JAKMIP2: variants seen among roughly 807,000 people sequenced by gnomAD.
The protein encoded by JAKMIP2 is janus kinase and microtubule-interacting protein 2.
In JAKMIP2, 25 loss-of-function variants were observed where a neutral mutation model predicts 115.0. The observed-to-expected ratio is 0.22, with a 90% CI of 0.16 to 0.30. The LOEUF (loss-of-function observed/expected upper bound fraction) is 0.30, where lower values mean the gene tolerates loss of function less well. Ranked by LOEUF, JAKMIP2 falls within the 10% of genes least tolerant of loss-of-function variation. JAKMIP2 has a pLI of 1.00. For synonymous variants in JAKMIP2, 334 were observed against 343.6 expected, an observed-to-expected ratio of 0.97 and a Z score of 0.31; for missense variants, 642 against 957.6, an observed-to-expected ratio of 0.67 and a Z score of 4.35.
chr5:147,776,338 C>T (rs111936191), intron 1 of JAKMIP2, among the ~76,000 whole-genome samples: 3,687 of 152,108 alleles, frequency 0.024, 158 homozygotes, highest in African/African-American at 0.083. Context: ...TAAGTTCTCA[C>T]GAGAGCTGAT....
intron 1 of JAKMIP2, among the ~76,000 whole-genome samples, chr5:147,698,044 G>A (rs189805682): frequency 1.3e-5 from 2 of 152,154 alleles, no homozygotes; most frequent in African/African-American, 4.8e-5. Context: ...CAGCTGGGAG[G>A]GGGGCTGTAT....
chr5:147,640,844 T>C, intron 8 of JAKMIP2, 21 bp from the exon 9 acceptor site: 1 of 1,607,534 alleles, frequency 6.2e-7, no homozygotes, highest in East Asian at 2.2e-5. Flanking sequence ...GGAAAGTACC[T>C]ATTTACTGAC....
intron 1 of JAKMIP2, among the ~76,000 whole-genome samples, chr5:147,773,632 A>G (rs756582989): frequency 5.3e-5 from 8 of 152,176 alleles, no homozygotes; most frequent in Non-Finnish European, 8.8e-5. Flanking sequence ...CATAGTTAAA[A>G]GAGATTAAAC....
At position 147,782,442 on chromosome 5, in the gene JAKMIP2, T is replaced by G; in HGVS notation, c.-149+14A>C. On this transcript the variant is annotated intron_variant, in intron 1 of 21. Transcript: ENST00000616793. ...CTCTAAACCAAGAAGGGAGCCCTAC[T>G]GTTTCCTACTCACCATGCTGAGACC... 1 of 1,535,904 alleles carries G rather than the reference T, an allele frequency of 6.5e-7. No homozygotes were observed. Among genetic ancestry groups the G allele is most frequent in the Non-Finnish European group, 8.7e-7 (1 of 1,146,724 alleles).
At chr5:147,670,945 C>A (rs1343242115) in intron 2 of JAKMIP2, among the ~76,000 whole-genome samples, 3 of 152,148 alleles carry the variant, frequency 2.0e-5, no homozygotes, top group Non-Finnish European at 2.9e-5. Flanking sequence ...GTATGAATTA[C>A]TATGAAATAA....
Position 147,742,155 on chromosome 5 carries a change from A to ATATATATATATT in JAKMIP2, c.-149+40300_-149+40301insAATATATATATA. 1.7e-4 allele frequency among the ~76,000 whole-genome samples: 19 copies of ATATATATATATT among 108,908 alleles called. 2 individuals carry two copies. Among genetic ancestry groups the ATATATATATATT allele is most frequent in the African/African-American group, 6.8e-4 (18 of 26,452 alleles). The allele number at this position is 108,908 out of a possible 152,430, so 71.4% of individuals were successfully genotyped here. On this transcript the variant is annotated intron_variant, in intron 1 of 21. Coordinates refer to ENST00000616793, the MANE Select transcript of JAKMIP2 (RefSeq NM_001270941.2). ...TGTGGATCATTATATATATATATAT[A>ATATATATATATT]TTTTTTTTACTATTGTATTGTATCT...
chr5:147,750,244 A>G (rs2127019156), intron 1 of JAKMIP2, among the ~76,000 whole-genome samples: 1 of 152,274 alleles, frequency 6.6e-6, no homozygotes, highest in Non-Finnish European at 1.5e-5. Context: ...GTGCTCTGAA[A>G]GGGCCAAGCA....
chr5:147,667,313 C>T (rs1253312675), intron 2 of JAKMIP2, among the ~76,000 whole-genome samples: 1 of 152,076 alleles, frequency 6.6e-6, no homozygotes, highest in Non-Finnish European at 1.5e-5. Flanking sequence ...TACACTATGA[C>T]AGGGAAAAAA....
chr5:147,661,723 C>T (rs940128491), intron 2 of JAKMIP2: 4 of 361,450 alleles, frequency 1.1e-5, no homozygotes, highest in Admixed American at 4.4e-5. Context: ...CAAGCAGCCT[C>T]GGTATCACCC....
intron 3 of JAKMIP2, among the ~76,000 whole-genome samples, chr5:147,652,490 G>T (rs1027417786): frequency 2.0e-5 from 3 of 152,040 alleles, no homozygotes; most frequent in Non-Finnish European, 4.4e-5. Flanking sequence ...AGAATTCTCT[G>T]GGGAAATTTT....
intron 1 of JAKMIP2, among the ~76,000 whole-genome samples, chr5:147,706,014 G>C (rs779446709): frequency 1.3e-5 from 2 of 152,074 alleles, no homozygotes; most frequent in African/African-American, 4.8e-5. Context: ...TTATGTTATA[G>C]GTATACTTGA....
intron 18 of JAKMIP2, 127 bp from the exon 19 acceptor site, chr5:147,618,241 T>TC: frequency 1.4e-6 from 1 of 705,790 alleles, no homozygotes; most frequent in Non-Finnish European, 2.4e-6. Context: ...AGCAAGAAAA[T>TC]AATTTTAAAA....
At chr5:147,614,553 G>A (rs565208038) in intron 19 of JAKMIP2, among the ~76,000 whole-genome samples, 2 of 152,284 alleles carry the variant, frequency 1.3e-5, no homozygotes, top group East Asian at 3.9e-4. Context: ...GGCTGGTGTG[G>A]CAGCTTCTAC....
intron 21 of JAKMIP2, among the ~76,000 whole-genome samples, chr5:147,600,455 G>A (rs570803869): frequency 1.3e-5 from 2 of 152,094 alleles, no homozygotes; most frequent in East Asian, 1.9e-4. Flanking sequence ...GGGAGAAAGT[G>A]CCTCTCTTCT....
At chr5:147,704,629 C>T (rs17107220) in intron 1 of JAKMIP2, among the ~76,000 whole-genome samples, 12,199 of 152,122 alleles carry the variant, frequency 0.08, 861 homozygotes, top group East Asian at 0.34. Context: ...ATTAAATTAG[C>T]CATTATTAGC....
chr5:147,739,182 A>C (rs1376334054), intron 1 of JAKMIP2, among the ~76,000 whole-genome samples: 1 of 152,104 alleles, frequency 6.6e-6, no homozygotes, highest in African/African-American at 2.4e-5. Context: ...TAGAGGCAAC[A>C]GACTTGAGTC....
chr5:147,595,475 CA>C, intron 21 of JAKMIP2: 1 of 456,476 alleles, frequency 2.2e-6, no homozygotes, highest in Non-Finnish European at 4.4e-6. Context: ...TGGAAGTAGA[CA>C]CCAGGCCCTC....
At chr5:147,702,463 A>AAGGG (rs58443373) in intron 1 of JAKMIP2, among the ~76,000 whole-genome samples, 29,556 of 120,386 alleles carry the variant, frequency 0.25, 4,891 homozygotes, top group East Asian at 0.47. Context: ...GGAAGGAAGG[A>AAGGG]AGGGAGGGAG....
intron 12 of JAKMIP2, 62 bp from the exon 13 acceptor site, chr5:147,632,840 C>A: frequency 9.8e-7 from 1 of 1,019,000 alleles, no homozygotes; most frequent in Non-Finnish European, 1.5e-6. Context: ...CTTTGCAAAG[C>A]ATGAATAGTG....
Sources: gnomAD v4.1 joint callset for allele counts (sites outside exome capture counted in the v4.1 genomes callset) on GRCh38, gnomAD v4.1.1 for gene constraint, MANE v1.5 for transcripts, NCBI Gene and HGNC (gene_info 2026-07-23, HGNC 2026-07-21) for gene names.